PRICKLE1: variants seen among roughly 807,000 people sequenced by gnomAD.
PRICKLE1 encodes the protein prickle-like protein 1.
Under a neutral mutation model 70.2 loss-of-function variants are expected in PRICKLE1, and 14 were observed. That is an observed-to-expected ratio of 0.20 (90% CI 0.13 to 0.31). The LOEUF (loss-of-function observed/expected upper bound fraction) is 0.31. Ranked by LOEUF, PRICKLE1 falls within the 10% of genes least tolerant of loss-of-function variation. The pLI is 1.00. For synonymous variants in PRICKLE1, 357 were observed against 379.9 expected, an observed-to-expected ratio of 0.94 and a Z score of 0.70; for missense variants, 821 against 1,026.2, an observed-to-expected ratio of 0.80 and a Z score of 2.73.
At chr12:42,525,853 C>T (rs763419670) in intron 1 of PRICKLE1, among the ~76,000 whole-genome samples, 12 of 151,812 alleles carry the variant, frequency 7.9e-5, no homozygotes, top group Middle Eastern at 3.2e-3. Context: ...AGTGATAATA[C>T]ATACAAAGCA....
chr12:42,490,428 C>T (rs1385579314), intron 1 of PRICKLE1, among the ~76,000 whole-genome samples: 2 of 152,276 alleles, frequency 1.3e-5, no homozygotes, highest in African/African-American at 2.4e-5. Context: ...CTGCATAAGC[C>T]ATCAGAAAGA....
intron 1 of PRICKLE1, among the ~76,000 whole-genome samples, chr12:42,501,503 C>T (rs1939306620): frequency 1.2e-5 from 1 of 83,120 alleles, no homozygotes; most frequent in South Asian, 5.2e-4. Flanking sequence ...AGTAAGACTC[C>T]ATCTCAAAAA....
chr12:42,515,702 A>G (rs1939599585), intron 1 of PRICKLE1, among the ~76,000 whole-genome samples: 1 of 152,172 alleles, frequency 6.6e-6, no homozygotes, highest in South Asian at 2.1e-4. Flanking sequence ...TTCTCTTTAG[A>G]ACTTTGAGGG....
intron 1 of PRICKLE1, among the ~76,000 whole-genome samples, chr12:42,586,371 T>C (rs1238779542): frequency 6.6e-6 from 1 of 152,072 alleles, no homozygotes; most frequent in Non-Finnish European, 1.5e-5. Flanking sequence ...TGAGAATCAC[T>C]TTGATTTTTT....
intron 1 of PRICKLE1, among the ~76,000 whole-genome samples, chr12:42,493,953 TTG>T (rs1444507756): frequency 6.6e-6 from 1 of 152,074 alleles, no homozygotes; most frequent in Non-Finnish European, 1.5e-5. Context: ...TTCAGAGATA[TTG>T]TGAGTTCACT....
intron 1 of PRICKLE1, among the ~76,000 whole-genome samples, chr12:42,503,503 GTAAC>G (rs1939352999): frequency 6.6e-6 from 1 of 152,070 alleles, no homozygotes; most frequent in African/African-American, 2.4e-5. Context: ...CTTAACTAAA[GTAAC>G]TACTGAGAAA....
chr12:42,464,959 T>C lies in PRICKLE1; in HGVS notation c.1075A>G (p.Lys359Glu). The change falls in exon 7 of 8, where the codon AAG (lysine) becomes GAG (glutamate). Residue 359 changes from lysine (K) to glutamate (E), a missense_variant. Transcript: ENST00000345127. This position sits in a 1 kb window ranked among gnomAD's most constrained non-coding sequence, Gnocchi z 4.2. Reference sequence around the variant, plus strand: ...GCATTGCCTGAGAGGCCAGGAAACTTGTAGTTCAGAGCAGGCGATAAGAGG... The same window carrying C: ...GCATTGCCTGAGAGGCCAGGAAACTCGTAGTTCAGAGCAGGCGATAAGAGG... ...SLLLSPALNYKFPGLSGNADD... is the reference protein window; with the variant it reads ...SLLLSPALNYEFPGLSGNADD... The C allele has an allele frequency of 6.2e-7, 1 of 1,614,072 alleles. No individual in the cohort carries two copies. Among genetic ancestry groups the C allele is most frequent in the Non-Finnish European group, 8.5e-7 (1 of 1,180,012 alleles).
chr12:42,553,207 C>G (rs1302452841), intron 1 of PRICKLE1, among the ~76,000 whole-genome samples: 1 of 152,044 alleles, frequency 6.6e-6, no homozygotes. Context: ...CTCTGGGAGA[C>G]CGAGGCGGGC....
intron 1 of PRICKLE1, among the ~76,000 whole-genome samples, chr12:42,571,717 G>C (rs1017857339): frequency 2.6e-5 from 4 of 152,200 alleles, no homozygotes; most frequent in African/African-American, 9.6e-5. Flanking sequence ...CCTCATGAAA[G>C]TCATTTACTA....
chr12:42,499,890 G>T (rs1183845740), intron 1 of PRICKLE1, among the ~76,000 whole-genome samples: 1 of 151,622 alleles, frequency 6.6e-6, no homozygotes, highest in East Asian at 1.9e-4. Context: ...ACCATGCCTG[G>T]CTAATTTTTG....
chr12:42,548,724 T>C (rs1263213865), intron 1 of PRICKLE1, among the ~76,000 whole-genome samples: 1 of 152,176 alleles, frequency 6.6e-6, no homozygotes, highest in Non-Finnish European at 1.5e-5. Context: ...GGTCATTATT[T>C]CAGATGGAGA....
chr12:42,497,552 A>C (rs1939229214), intron 1 of PRICKLE1, among the ~76,000 whole-genome samples: 1 of 151,662 alleles, frequency 6.6e-6, no homozygotes, highest in South Asian at 2.1e-4. Flanking sequence ...ATCTCAAAAA[A>C]AAAAAAAAAA....
chr12:42,490,621 C>T (rs1396821920), intron 1 of PRICKLE1, among the ~76,000 whole-genome samples: 2 of 152,090 alleles, frequency 1.3e-5, no homozygotes, highest in Non-Finnish European at 2.9e-5. Context: ...TGTCTGAGGA[C>T]GTGATTTCTC....
At chr12:42,517,306 A>ATTTTTTTTTTTTTTTTTTT (rs71794718) in intron 1 of PRICKLE1, among the ~76,000 whole-genome samples, 1 of 88,956 alleles carries the variant, frequency 1.1e-5, no homozygotes. Context: ...TCAGTCTGCC[A>ATTTTTTTTTTTTTTTTTTT]TTTTTTTTTT....
chr12:42,563,940 T>C (rs898394500), intron 1 of PRICKLE1, among the ~76,000 whole-genome samples: 1 of 151,950 alleles, frequency 6.6e-6, no homozygotes, highest in Non-Finnish European at 1.5e-5. Context: ...AAAAAACTTA[T>C]GCCATCCTTC....
At chr12:42,497,160 C>T (rs1267425904) in intron 1 of PRICKLE1, among the ~76,000 whole-genome samples, 1 of 152,038 alleles carries the variant, frequency 6.6e-6, no homozygotes, top group Admixed American at 6.6e-5. Flanking sequence ...GGCCCAATTG[C>T]AATATTGCTA....
intron 1 of PRICKLE1, among the ~76,000 whole-genome samples, chr12:42,520,858 C>G (rs887780294): frequency 4.6e-5 from 7 of 152,094 alleles, no homozygotes; most frequent in Non-Finnish European, 8.8e-5. Context: ...CATCTATTGA[C>G]AGAGGGATAA....
chr12:42,514,273 T>C (rs1277496699), intron 1 of PRICKLE1, among the ~76,000 whole-genome samples: 1 of 152,192 alleles, frequency 6.6e-6, no homozygotes, highest in Non-Finnish European at 1.5e-5. Flanking sequence ...TCTTCTATTC[T>C]GGGATTTAAA....
chr12:42,508,020 C>T (rs2120366302), intron 1 of PRICKLE1, among the ~76,000 whole-genome samples: 1 of 152,218 alleles, frequency 6.6e-6, no homozygotes, highest in Non-Finnish European at 1.5e-5. Context: ...TAAAAGTTAA[C>T]TACACAAACA....
Sources: gnomAD v4.1 joint callset for allele counts (sites outside exome capture counted in the v4.1 genomes callset) on GRCh38, gnomAD v4.1.1 for gene constraint, Gnocchi (gnomAD v3.1) non-coding constraint, MANE v1.5 for transcripts, NCBI Gene and HGNC (gene_info 2026-07-23, HGNC 2026-07-21) for gene names.